RGS7: variants seen among roughly 807,000 people sequenced by gnomAD.
The protein encoded by RGS7 is regulator of G protein signaling 7, also known as regulator of G-protein signaling 7.
In RGS7, 27 loss-of-function variants were observed where a neutral mutation model predicts 81.1. The observed-to-expected ratio is 0.33, with a 90% CI of 0.25 to 0.46. The LOEUF (loss-of-function observed/expected upper bound fraction) is 0.46. Ranked by LOEUF, RGS7 falls within the 20% of genes least tolerant of loss-of-function variation. The probability of loss-of-function intolerance (pLI) is 1.00; values close to 1 mark genes in which losing one functional copy is unlikely to be tolerated. For synonymous variants in RGS7, 208 were observed against 207.7 expected (o/e 1.00, Z -0.01); for missense variants, 396 against 607.4 (o/e 0.65, Z 3.66).
intron 2 of RGS7, among the ~76,000 whole-genome samples, chr1:241,124,835 G>A (rs148510931): frequency 2.1e-3 from 313 of 152,330 alleles, no homozygotes; most frequent in Middle Eastern, 3.4e-3. Flanking sequence ...CACTGTAGGC[G>A]CTGCAGGTAG....
rs116700897 is a variant in RGS7 at position 241,292,130 on chromosome 1, C to T, written c.78+63569G>A. On this transcript the variant is annotated intron_variant, in intron 2 of 18. Transcript: ENST00000440928. ...GAGGCGGTAATATGCATGGAGCTGT[C>T]GTCTCCTGTGACAACAATACCTTCT... 3.9e-3 allele frequency among the ~76,000 whole-genome samples: 592 copies of T among 152,252 alleles called. 2 individuals carry two copies. Among genetic ancestry groups the T allele is most frequent in the Middle Eastern group, 0.017 (5 of 294 alleles).
chr1:241,013,239 T>C (rs2059060248), intron 3 of RGS7, among the ~76,000 whole-genome samples: 1 of 151,958 alleles, frequency 6.6e-6, no homozygotes, highest in Non-Finnish European at 1.5e-5. Context: ...ATATTTGTAT[T>C]TTTTCTAGAG....
chr1:241,357,189 G>C lies in RGS7; in HGVS notation c.-341C>G, dbSNP rs1403424182. 3 of 151,938 alleles carry C rather than the reference G, an allele frequency of 2.0e-5. No homozygotes were observed. Among genetic ancestry groups the C allele is most frequent in the African/African-American group, 4.8e-5 (2 of 41,392 alleles). 9.4% of individuals were successfully genotyped at this position (151,938 alleles called of 1,614,324 possible). A position where few individuals can be genotyped will look rare whatever the true frequency, so the allele number is the denominator to read the frequency against. Reference sequence around the variant, plus strand: ...CTTCTCCCGGGGACTGGGACCAGCCGAGCGCGCGCGGGAGTCGAGACGCCC... The same window carrying C: ...CTTCTCCCGGGGACTGGGACCAGCCCAGCGCGCGCGGGAGTCGAGACGCCC... On this transcript the variant is annotated 5_prime_UTR_variant, in exon 1 of 19. Transcript: ENST00000440928.
chr1:241,126,695 C>T (rs959990902), intron 2 of RGS7, among the ~76,000 whole-genome samples: 4 of 152,182 alleles, frequency 2.6e-5, no homozygotes, highest in African/African-American at 4.8e-5. Flanking sequence ...GCCCCCCATA[C>T]ACCCACTAGA....
chr1:241,161,076 A>G (rs1410198703), intron 2 of RGS7, among the ~76,000 whole-genome samples: 1 of 152,002 alleles, frequency 6.6e-6, no homozygotes, highest in Non-Finnish European at 1.5e-5. Flanking sequence ...AAATGATTTA[A>G]GAAATCTTCA....
chr1:241,020,212 C>T (rs1304822703), intron 3 of RGS7, among the ~76,000 whole-genome samples: 2 of 152,142 alleles, frequency 1.3e-5, no homozygotes, highest in African/African-American at 2.4e-5. Flanking sequence ...TCAGTCAGTG[C>T]TATTTGTCTA....
At chr1:241,181,326 T>G (rs946948756) in intron 2 of RGS7, among the ~76,000 whole-genome samples, 2 of 152,160 alleles carry the variant, frequency 1.3e-5, no homozygotes. Context: ...ATAGGAGAAG[T>G]CTTTATAGCT....
At chr1:241,285,923 C>T (rs1340234235) in intron 2 of RGS7, among the ~76,000 whole-genome samples, 1 of 152,182 alleles carries the variant, frequency 6.6e-6, no homozygotes, top group African/African-American at 2.4e-5. Context: ...AATGATCAGT[C>T]ATGATCAATC....
intron 2 of RGS7, among the ~76,000 whole-genome samples, chr1:241,190,108 A>T (rs938854980): frequency 1.3e-5 from 2 of 152,182 alleles, no homozygotes; most frequent in Admixed American, 6.5e-5. Flanking sequence ...TCTCAAAAAA[A>T]AAAATCAACT....
intron 2 of RGS7, among the ~76,000 whole-genome samples, chr1:241,290,657 T>C (rs2079040365): frequency 6.6e-6 from 1 of 152,116 alleles, no homozygotes. Flanking sequence ...AGCAGAGAGA[T>C]CAGGTGGAAG....
intron 5 of RGS7, among the ~76,000 whole-genome samples, chr1:240,934,626 T>C (rs1286135475): frequency 6.6e-6 from 1 of 152,178 alleles, no homozygotes; most frequent in African/African-American, 2.4e-5. Context: ...ATTTCAAATA[T>C]GGATGCATCA....
intron 3 of RGS7, among the ~76,000 whole-genome samples, chr1:241,060,650 C>T (rs533677891): frequency 1.3e-5 from 2 of 152,210 alleles, no homozygotes; most frequent in South Asian, 4.1e-4. Flanking sequence ...CGTATCATTG[C>T]TATAAGGTTA....
chr1:241,348,394 T>G (rs1440956257), intron 2 of RGS7, among the ~76,000 whole-genome samples: 16 of 152,132 alleles, frequency 1.1e-4, no homozygotes, highest in Admixed American at 1.0e-3. Flanking sequence ...CTAATCTATT[T>G]AGAGGGGTTG....
intron 3 of RGS7, among the ~76,000 whole-genome samples, chr1:241,061,283 A>G (rs1377519938): frequency 3.9e-5 from 6 of 152,244 alleles, no homozygotes; most frequent in Non-Finnish European, 5.9e-5. Context: ...CATGCGTTTG[A>G]GTCATTTAAG....
rs764551447 is a variant in RGS7 at position 241,355,740 on chromosome 1, C to G, written c.37G>C (p.Gly13Arg). ...ATGTTGGGTGATTCATCGGCCACCC[C>G]GTTGCTGGTCTGCCCATAATTATTC... ...QGNNYGQTSN[G>R]VADESPNMLV... The change falls in exon 2 of 19, where the codon GGG becomes CGG. Residue 13 changes from glycine to arginine, a missense_variant. Coordinates refer to ENST00000440928, the MANE Select transcript of RGS7 (RefSeq NM_001364886.1). The G allele has an allele frequency of 6.2e-7, 1 of 1,614,026 alleles. No individual in the cohort carries two copies. The highest frequency in any genetic ancestry group is 8.5e-7 in the Non-Finnish European group (1 of 1,180,034).
At chr1:241,158,238 T>C (rs1188062106) in intron 2 of RGS7, among the ~76,000 whole-genome samples, 3 of 152,206 alleles carry the variant, frequency 2.0e-5, no homozygotes, top group African/African-American at 7.2e-5. Context: ...AAGCCAAATA[T>C]GTTTACTATC....
At position 240,986,846 on chromosome 1, in the gene RGS7, TGCTGGG is replaced by T; in HGVS notation, c.176-3723_176-3718del. On this transcript the variant is annotated intron_variant, in intron 3 of 18. Coordinates refer to ENST00000440928, the MANE Select transcript of RGS7 (RefSeq NM_001364886.1). ...ATCCGCCCGCCTCGGCCTCCCAAAG[TGCTGGG>T]ATTACAGGCGTGAGCCACCGCGCCC... 3.4e-5 allele frequency among the ~76,000 whole-genome samples: 5 copies of T among 145,572 alleles called. 1 individual carries two copies. Among genetic ancestry groups the T allele is most frequent in the Non-Finnish European group, 3.0e-5 (2 of 66,704 alleles).
intron 4 of RGS7, among the ~76,000 whole-genome samples, chr1:240,944,320 A>G (rs1219800252): frequency 8.4e-5 from 10 of 118,510 alleles, no homozygotes; most frequent in East Asian, 4.9e-4. Flanking sequence ...ATATATATAT[A>G]TATATATATA....
chr1:241,110,511 T>G (rs970591734), intron 2 of RGS7, among the ~76,000 whole-genome samples: 1 of 152,154 alleles, frequency 6.6e-6, no homozygotes. Flanking sequence ...TTGATTTGGA[T>G]GAGTGAAAAA....
Sources: allele counts gnomAD v4.1 joint callset (sites outside exome capture counted in the v4.1 genomes callset), GRCh38; gene constraint gnomAD v4.1.1; transcripts MANE v1.5; gene names NCBI Gene and HGNC (gene_info 2026-07-23, HGNC 2026-07-21).